NUP160: variants seen among roughly 807,000 people sequenced by gnomAD.
The protein encoded by NUP160 is nuclear pore complex protein Nup160.
In NUP160, 94 loss-of-function variants were observed where a neutral mutation model predicts 196.9. The ratio of observed to expected loss-of-function variants is 0.48; its 90% CI spans 0.40 to 0.57. NUP160 has a LOEUF of 0.57. Among genes scored for constraint, NUP160 ranks in the 20% least tolerant of loss-of-function variants. The pLI, the probability that NUP160 is intolerant of heterozygous loss-of-function variation, is 0.00. For missense variants in NUP160, 1,638 were observed against 1,748.3 expected, an observed-to-expected ratio of 0.94 and a Z score of 1.13; for synonymous variants, 605 against 619.7, an observed-to-expected ratio of 0.98 and a Z score of 0.35.
exon 20 of NUP160, chr11:47,806,307 T>C (rs1475622739): frequency 6.2e-7 from 1 of 1,608,778 alleles, no homozygotes; most frequent in South Asian, 1.1e-5. Context: ...GTCTGAGGAC[T>C]AGATACTTAA....
At position 47,812,258 on chromosome 11, in the gene NUP160, C is replaced by T. The variant is rs1048625470; in HGVS notation, c.2081-34G>A. The stretch of plus-strand genomic sequence containing the variant: ...AGAAGAAAAATGGAGTTGAATGCAT[C>T]ATTGTTTTAATCAAAGAGGCACATT... On this transcript the variant is annotated intron_variant, in intron 16 of 35. Transcript: ENST00000378460. 5 of 1,613,472 alleles carry T rather than the reference C, an allele frequency of 3.1e-6. No homozygotes were observed. The African/African-American group carries it at 6.7e-5, about 22-fold the overall frequency.
At chr11:47,811,228 G>T (rs2097680917) in intron 17 of NUP160, among the ~76,000 whole-genome samples, 1 of 152,130 alleles carries the variant, frequency 6.6e-6, no homozygotes, top group African/African-American at 2.4e-5. Flanking sequence ...GAGTTCTTAG[G>T]TTGGGCAAGG....
chr11:47,824,045 A>G (rs202087476), intron 7 of NUP160, among the ~76,000 whole-genome samples: 6,842 of 98,152 alleles, frequency 0.07, 400 homozygotes, highest in Non-Finnish European at 0.1. Flanking sequence ...ATATATATAT[A>G]TATATATACA....
chr11:47,791,937 A>C, exon 29 of NUP160: 1 of 1,610,978 alleles, frequency 6.2e-7, no homozygotes, highest in Non-Finnish European at 8.5e-7. Context: ...CACTGGGGGC[A>C]GCTGTGCATT....
At chr11:47,821,590 G>T in intron 9 of NUP160, 134 bp downstream of exon 9, 1 of 657,774 alleles carries the variant, frequency 1.5e-6, no homozygotes, top group Non-Finnish European at 2.7e-6. Flanking sequence ...GAACTCCTGA[G>T]CTTAAGTGAT....
At chr11:47,842,993 A>C (rs112503934) in intron 2 of NUP160, among the ~76,000 whole-genome samples, 249 of 152,286 alleles carry the variant, frequency 1.6e-3, no homozygotes, top group African/African-American at 5.0e-3. Flanking sequence ...ACTCTAAAAA[A>C]AAACAAACAA....
At chr11:47,843,240 C>T (rs2135405630) in intron 2 of NUP160, among the ~76,000 whole-genome samples, 1 of 152,284 alleles carries the variant, frequency 6.6e-6, no homozygotes, top group South Asian at 2.1e-4. Flanking sequence ...TCCTCTCCTC[C>T]CTTTCCCTCT....
At chr11:47,825,484 G>A (rs753249041) in intron 7 of NUP160, among the ~76,000 whole-genome samples, 1 of 140,170 alleles carries the variant, frequency 7.1e-6, no homozygotes, top group African/African-American at 2.7e-5. Flanking sequence ...ACGGAGTATC[G>A]CTCTGTCACC....
chr11:47,846,822 C>G (rs888561140), intron 2 of NUP160, among the ~76,000 whole-genome samples: 1 of 152,052 alleles, frequency 6.6e-6, no homozygotes, highest in Non-Finnish European at 1.5e-5. Context: ...GTGTATATTC[C>G]TATATACATG....
intron 26 of NUP160, 39 bp downstream of exon 26, chr11:47,797,939 C>G: frequency 1.3e-6 from 2 of 1,551,704 alleles, no homozygotes; most frequent in Non-Finnish European, 1.8e-6. Context: ...TGGCAACCAC[C>G]ATACTTGTTG....
chr11:47,792,824 C>G, exon 28 of NUP160: 2 of 1,614,090 alleles, frequency 1.2e-6, no homozygotes, highest in Non-Finnish European at 1.7e-6. Flanking sequence ...CACGCATATT[C>G]TGGACGAATA....
In NUP160 at chr11:47,785,067, GAAA is replaced by G. The variant is rs748389104; in HGVS notation, c.3849-7_3849-5del. On this transcript the variant is annotated splice_region_variant and splice_polypyrimidine_tract_variant and intron_variant, in intron 32 of 35. Coordinates refer to ENST00000378460, the Ensembl canonical transcript of NUP160. ...TCGCCATGCTTCATCTGTAGCACTTGAAAAAAACAAAAATGACTAATGAGTTTC... is the reference window on the plus strand; with the variant it reads ...TCGCCATGCTTCATCTGTAGCACTTGAAAACAAAAATGACTAATGAGTTTC... The G allele has an allele frequency of 6.6e-7, 1 of 1,526,542 alleles. No homozygotes were observed. 94.6% of individuals were successfully genotyped at this position (1,526,542 alleles called of 1,614,324 possible). A position where few individuals can be genotyped will look rare whatever the true frequency, so the allele number is the denominator to read the frequency against.
intron 23 of NUP160, among the ~76,000 whole-genome samples, chr11:47,799,252 A>AT (rs1346997352): frequency 6.6e-6 from 1 of 151,712 alleles, no homozygotes; most frequent in African/African-American, 2.4e-5. Flanking sequence ...CGTTCAGCTA[A>AT]TTTTTGTGTT....
exon 1 of NUP160, chr11:47,848,308 G>A (rs201975111): frequency 2.9e-4 from 469 of 1,613,886 alleles, no homozygotes; most frequent in Non-Finnish European, 1.6e-5. Context: ...CAGGGCTCCC[G>A]CCGCCGCCAT....
At chr11:47,842,249 C>T (rs1307642013) in intron 2 of NUP160, among the ~76,000 whole-genome samples, 1 of 152,104 alleles carries the variant, frequency 6.6e-6, no homozygotes, top group African/African-American at 2.4e-5. Flanking sequence ...GGACCATCTT[C>T]TCTCACTGTA....
At chr11:47,822,108 A>C in exon 8 of NUP160, 2 of 1,610,070 alleles carry the variant, frequency 1.2e-6, no homozygotes, top group Non-Finnish European at 1.7e-6. Flanking sequence ...ACAGTGAAGA[A>C]ATATGATCGA....
At chr11:47,783,403 G>A (rs2097662636) in intron 33 of NUP160, among the ~76,000 whole-genome samples, 1 of 151,924 alleles carries the variant, frequency 6.6e-6, no homozygotes, top group Non-Finnish European at 1.5e-5. Context: ...ATCCCTAAGA[G>A]CCGTTACCTC....
chr11:47,798,560 C>A (rs79251969), intron 23 of NUP160, 97 bp from the exon 24 acceptor site: 12 of 706,174 alleles, frequency 1.7e-5, no homozygotes, highest in African/African-American at 1.4e-4. Context: ...TTAAGTAGGC[C>A]GGCATGGTGG....
intron 11 of NUP160, 104 bp from the exon 12 acceptor site, chr11:47,816,133 AT>A (rs1351614821): frequency 1.4e-6 from 1 of 725,186 alleles, no homozygotes; most frequent in Non-Finnish European, 2.3e-6. Context: ...TATAATAGAG[AT>A]TTGGCATACC....
Sources: gnomAD v4.1 joint callset for allele counts (sites outside exome capture counted in the v4.1 genomes callset) on GRCh38, gnomAD v4.1.1 for gene constraint, MANE v1.5 for transcripts, NCBI Gene and HGNC (gene_info 2026-07-23, HGNC 2026-07-21) for gene names.